The following GALR1 variants were observed in gnomAD, a reference collection of about 807,000 sequenced individuals.
GALR1 encodes the protein galanin receptor 1.
GALR1 carries 11 observed loss-of-function variants against 17.9 expected under a neutral mutation model. That is an observed-to-expected ratio of 0.62 (90% CI 0.39 to 1.02). GALR1 has a LOEUF of 1.02. Ranked by LOEUF, GALR1 falls within the 50% of genes least tolerant of loss-of-function variation. GALR1 has a pLI of 0.01. For synonymous variants in GALR1, 206 were observed against 205.7 expected, an observed-to-expected ratio of 1.00 and a Z score of -0.01; for missense variants, 441 against 456.9, an observed-to-expected ratio of 0.97 and a Z score of 0.32.
At chr18:77,263,550 TG>T (rs1912878169) in intron 2 of GALR1, among the ~76,000 whole-genome samples, 1 of 152,160 alleles carries the variant, frequency 6.6e-6, no homozygotes, top group African/African-American at 2.4e-5. Flanking sequence ...CTGTCAGTCC[TG>T]GGGTCTTGTG....
Position 77,250,917 on chromosome 18 carries a change from C to G in GALR1, c.369C>G (p.Ile123Met), listed in dbSNP as rs1444933612. Residue 123 changes from isoleucine to methionine, a missense_variant, in exon 1 of 3, where the codon ATC becomes ATG. Ile to Met is a conservative substitution (Grantham distance 10, BLOSUM62 1). Transcript: ENST00000299727. ...YFFTVSMLVS[I>M]FTLAAMSVDR... ...TCACCGTGTCCATGCTGGTGAGCAT[C>G]TTCACCCTGGCCGCGATGTCCGTGG... 1 of 1,605,696 alleles carries G rather than the reference C, an allele frequency of 6.2e-7. No individual in the cohort carries two copies. The highest frequency in any genetic ancestry group is 8.5e-7 in the Non-Finnish European group (1 of 1,179,988).
chr18:77,257,461 G>T (rs571644246), intron 2 of GALR1, among the ~76,000 whole-genome samples: 1 of 152,276 alleles, frequency 6.6e-6, no homozygotes, highest in South Asian at 2.1e-4. Context: ...TCTAGGCCCC[G>T]CATTAGAGCA....
intron 1 of GALR1, among the ~76,000 whole-genome samples, chr18:77,251,832 T>G (rs927584038): frequency 6.6e-6 from 1 of 152,208 alleles, no homozygotes; most frequent in Admixed American, 6.5e-5. Flanking sequence ...CACACCGGGC[T>G]CTGTGAAGCC....
chr18:77,267,688 G>A (rs1427797561), intron 2 of GALR1, among the ~76,000 whole-genome samples: 7 of 152,300 alleles, frequency 4.6e-5, no homozygotes, highest in South Asian at 2.1e-4. Flanking sequence ...TTGGATCATT[G>A]CCTTTTCTTT....
chr18:77,258,621 GTGGTGATGGTGGTGA>G (rs1568141287), intron 2 of GALR1, among the ~76,000 whole-genome samples: 14 of 148,148 alleles, frequency 9.5e-5, no homozygotes, highest in African/African-American at 2.6e-4. Context: ...GATGGTGGTG[GTGGTGATGGTGGTGA>G]TGGTGGTGGT....
Position 77,250,321 on chromosome 18 carries a change from C to G in GALR1, c.-228C>G, listed in dbSNP as rs1453498884. Among the ~76,000 whole-genome samples the G allele has an allele frequency of 6.6e-6, 1 of 152,180 alleles. No homozygotes were observed. The highest frequency in any genetic ancestry group is 2.4e-5 in the African/African-American group (1 of 41,462). Reference sequence around the variant, plus strand: ...CGTCCCTTCCCGAGAAGGTCCAGCTCCGGGCTCCCGAACCCACCCTCTCTC... The same window carrying G: ...CGTCCCTTCCCGAGAAGGTCCAGCTGCGGGCTCCCGAACCCACCCTCTCTC... On this transcript the variant is annotated 5_prime_UTR_variant, in exon 1 of 3. Coordinates refer to ENST00000299727, the MANE Select transcript of GALR1 (RefSeq NM_001480.4).
In GALR1 at chr18:77,252,923, TCACCACCAC is replaced by T. The variant is rs1912475884; in HGVS notation, c.666+1727_666+1735del. ...ACCACCACCACCACCACCACCACCA[TCACCACCAC>T]CACCACCACCACCACCATCACCACC... is the stretch of plus-strand genomic sequence containing the variant. On this transcript the variant is annotated intron_variant, in intron 1 of 2. Transcript: ENST00000299727. 1.5e-3 allele frequency among the ~76,000 whole-genome samples: 123 copies of T among 84,674 alleles called. 1 individual carries two copies. The highest frequency in any genetic ancestry group is 4.7e-3 in the African/African-American group (96 of 20,226). 55.5% of individuals were successfully genotyped at this position (84,674 alleles called of 152,430 possible).
At chr18:77,252,046 G>A (rs73486205) in intron 1 of GALR1, among the ~76,000 whole-genome samples, 10,577 of 152,192 alleles carry the variant, frequency 0.069, 595 homozygotes, top group East Asian at 0.19. Flanking sequence ...GAGGCGGCGG[G>A]TCTTCACCCT....
rs539620575 is a variant in GALR1, at chr18:77,249,919, A to G, written c.-630A>G. On this transcript the variant is annotated 5_prime_UTR_variant, in exon 1 of 3. Transcript: ENST00000299727. ...TATCCACCACCAGGAAGCCTCCCAA[A>G]AGAGCTCTCGCCCTGTGGACGACTC... Among the ~76,000 whole-genome samples the G allele has an allele frequency of 5.9e-5, 9 of 152,248 alleles. No individual in the cohort carries two copies. The highest frequency in any genetic ancestry group is 5.8e-4 in the East Asian group (3 of 5,158).
chr18:77,260,158 T>C (rs374955894), intron 2 of GALR1, among the ~76,000 whole-genome samples: 8 of 152,306 alleles, frequency 5.3e-5, no homozygotes, highest in African/African-American at 1.7e-4. Flanking sequence ...GAAGTTTATT[T>C]CTTGCAGTCC....
In GALR1 at chr18:77,269,471, C is replaced by G. The variant is rs2144969249; in HGVS notation, c.*569C>G. The G allele has an allele frequency of 6.5e-6, 1 of 152,942 alleles. No homozygotes were observed. Among genetic ancestry groups the G allele is most frequent in the Middle Eastern group, 3.4e-3 (1 of 296 alleles). 9.5% of individuals were successfully genotyped at this position (152,942 alleles called of 1,614,324 possible). A position where few individuals can be genotyped will look rare whatever the true frequency, so the allele number is the denominator to read the frequency against. On this transcript the variant is annotated 3_prime_UTR_variant, in exon 3 of 3. Coordinates refer to ENST00000299727, the MANE Select transcript of GALR1 (RefSeq NM_001480.4). Reference sequence around the variant, plus strand: ...AGGTGGCATTTGCTTCCAATTGTAGCTAGCGCACAGAGCTTTGGAAGCCTG... The same window carrying G: ...AGGTGGCATTTGCTTCCAATTGTAGGTAGCGCACAGAGCTTTGGAAGCCTG...
chr18:77,258,074 G>T (rs762182890), intron 2 of GALR1, among the ~76,000 whole-genome samples: 5 of 151,868 alleles, frequency 3.3e-5, no homozygotes, highest in Non-Finnish European at 5.9e-5. Flanking sequence ...ACAAAATACT[G>T]AAAAAATAGG....
chr18:77,261,558 C>T (rs1340053681), intron 2 of GALR1, among the ~76,000 whole-genome samples: 2 of 152,194 alleles, frequency 1.3e-5, no homozygotes, highest in Non-Finnish European at 1.5e-5. Flanking sequence ...GTATTTCTTG[C>T]AGTCCTGGAG....
intron 1 of GALR1, among the ~76,000 whole-genome samples, chr18:77,251,988 C>T (rs1912429450): frequency 6.6e-6 from 1 of 152,194 alleles, no homozygotes; most frequent in African/African-American, 2.4e-5. Flanking sequence ...TTCGGCTTCC[C>T]CATTTCAATC....
chr18:77,275,384 C>A lies in GALR1; in HGVS notation c.*6482C>A, dbSNP rs537949078. The A allele has an allele frequency of 6.6e-6, 1 of 152,334 alleles. No individual in the cohort carries two copies. Among genetic ancestry groups the A allele is most frequent in the African/African-American group, 2.4e-5 (1 of 41,548 alleles). 9.4% of individuals were successfully genotyped at this position (152,334 alleles called of 1,614,324 possible). A position where few individuals can be genotyped will look rare whatever the true frequency, so the allele number is the denominator to read the frequency against. ...CCCTCGGACTTACTCTGGCCAGGAA[C>A]TGCATCTGCTCCTCTAAGGAGATTT... is the stretch of plus-strand genomic sequence containing the variant. On this transcript the variant is annotated 3_prime_UTR_variant, in exon 3 of 3. Transcript: ENST00000299727.
rs1472121897 is a variant in GALR1, at chr18:77,268,609, G to T, written c.757G>T (p.Val253Phe). 1 of 1,613,888 alleles carries T rather than the reference G, an allele frequency of 6.2e-7. No homozygotes were observed. The highest frequency in any genetic ancestry group is 1.1e-5 in the South Asian group (1 of 91,076). The change falls in exon 3 of 3, where the codon GTT becomes TTT. Residue 253 changes from valine (V) to phenylalanine (F), a missense_variant. Physicochemically the swap from Val to Phe is conservative, Grantham distance 50 (BLOSUM62 -1). Coordinates refer to ENST00000299727, the MANE Select transcript of GALR1 (RefSeq NM_001480.4). ...KKTAQTVLVV[V>F]VVFGISWLPH... ...GACTGCACAGACAGTTCTGGTGGTG[G>T]TTGTGGTGTTTGGAATCTCCTGGCT...
In GALR1 at chr18:77,273,567, G is replaced by A. The variant is rs1314355339; in HGVS notation, c.*4665G>A. On this transcript the variant is annotated 3_prime_UTR_variant, in exon 3 of 3. Transcript: ENST00000299727. ...GGAGAATTGCTTGAACCCGGGAGGT[G>A]GAGGTTGCAATGAGCCTAGATTGCA... is the stretch of plus-strand genomic sequence containing the variant. 1 of 151,954 alleles carries A rather than the reference G, an allele frequency of 6.6e-6. No individual in the cohort carries two copies. Among genetic ancestry groups the A allele is most frequent in the Non-Finnish European group, 1.5e-5 (1 of 68,060 alleles). The allele number at this position is 151,954 out of a possible 1,614,324, so 9.4% of individuals were successfully genotyped here.
In GALR1 at chr18:77,274,263, T is replaced by G. The variant is rs1477372345; in HGVS notation, c.*5361T>G. ...CAGATGGTCCTGTGGCTGGTGTGAA[T>G]GAAGAATGACCTGGGCCCAACATAG... On this transcript the variant is annotated 3_prime_UTR_variant, in exon 3 of 3. Coordinates refer to ENST00000299727, the MANE Select transcript of GALR1 (RefSeq NM_001480.4). 6.6e-6 allele frequency: 1 copy of G among 152,002 alleles called. No individual in the cohort carries two copies. The highest frequency in any genetic ancestry group is 2.4e-5 in the African/African-American group (1 of 41,364). The allele number at this position is 152,002 out of a possible 1,614,324, so 9.4% of individuals were successfully genotyped here.
chr18:77,262,686 A>G (rs1368997054), intron 2 of GALR1, among the ~76,000 whole-genome samples: 1 of 152,208 alleles, frequency 6.6e-6, no homozygotes, highest in Admixed American at 6.5e-5. Flanking sequence ...GGAGATATTT[A>G]GCTGGGAGGA....
Sources: gnomAD v4.1 joint callset for allele counts (sites outside exome capture counted in the v4.1 genomes callset) on GRCh38, gnomAD v4.1.1 for gene constraint, MANE v1.5 for transcripts, NCBI Gene and HGNC (gene_info 2026-07-23, HGNC 2026-07-21) for gene names.